SPAG16: variants seen among roughly 807,000 people sequenced by gnomAD.
The protein encoded by SPAG16 is sperm-associated antigen 16 protein.
Under a neutral mutation model 80.4 loss-of-function variants are expected in SPAG16, and 86 were observed. That is an observed-to-expected ratio of 1.07 (90% CI 0.90 to 1.28). The LOEUF (loss-of-function observed/expected upper bound fraction) is 1.28. Among genes scored for constraint, SPAG16 ranks in the 50% most tolerant of loss-of-function variants. The pLI is 0.00. For missense variants in SPAG16, 870 were observed against 765.3 expected, an observed-to-expected ratio of 1.14 and a Z score of -1.61; for synonymous variants, 294 against 265.9, an observed-to-expected ratio of 1.11 and a Z score of -1.03.
chr2:213,856,262 C>G (rs1041841493), intron 10 of SPAG16, among the ~76,000 whole-genome samples: 2 of 152,214 alleles, frequency 1.3e-5, no homozygotes, highest in Admixed American at 6.5e-5. Context: ...CACATTGATG[C>G]AAGAGGTGGA....
At chr2:213,349,330 C>T (rs1278126015) in intron 6 of SPAG16, among the ~76,000 whole-genome samples, 1 of 151,950 alleles carries the variant, frequency 6.6e-6, no homozygotes. Context: ...GAGCTGAAAT[C>T]AATAAAATAG....
chr2:213,765,774 G>A (rs992100813), intron 10 of SPAG16, among the ~76,000 whole-genome samples: 2 of 152,158 alleles, frequency 1.3e-5, no homozygotes, highest in African/African-American at 4.8e-5. Context: ...AGTACTAGGG[G>A]GGTTCTGTTT....
chr2:213,718,185 G>T (rs2066329714), intron 10 of SPAG16, among the ~76,000 whole-genome samples: 1 of 142,056 alleles, frequency 7.0e-6, no homozygotes, highest in African/African-American at 2.6e-5. Flanking sequence ...CCACCAAATA[G>T]TGGGCAAAGG....
At chr2:213,982,625 G>GTC (rs2045813322) in intron 12 of SPAG16, among the ~76,000 whole-genome samples, 8 of 151,368 alleles carry the variant, frequency 5.3e-5, no homozygotes, top group African/African-American at 1.9e-4. Context: ...GTGTGTGTGT[G>GTC]TGTGTGTGTG....
At chr2:213,452,825 CT>C (rs1284580508) in intron 9 of SPAG16, among the ~76,000 whole-genome samples, 6 of 152,218 alleles carry the variant, frequency 3.9e-5, no homozygotes, top group African/African-American at 1.4e-4. Flanking sequence ...AATCACCTGT[CT>C]TTGAAAGATG....
intron 9 of SPAG16, among the ~76,000 whole-genome samples, chr2:213,420,110 C>T (rs1458085199): frequency 2.0e-5 from 3 of 152,104 alleles, no homozygotes; most frequent in Non-Finnish European, 4.4e-5. Flanking sequence ...TATACTGTAT[C>T]TCAGTTGCAA....
intron 9 of SPAG16, among the ~76,000 whole-genome samples, chr2:213,439,575 A>G (rs939447632): frequency 2.6e-5 from 4 of 152,206 alleles, no homozygotes; most frequent in Admixed American, 2.6e-4. Flanking sequence ...ATACTGTTCA[A>G]GGTGTGGTCT....
intron 11 of SPAG16, among the ~76,000 whole-genome samples, chr2:213,923,049 G>A (rs1255448313): frequency 6.6e-6 from 1 of 152,138 alleles, no homozygotes; most frequent in Non-Finnish European, 1.5e-5. Flanking sequence ...GGAGGCAGGG[G>A]TGAGTGGAGT....
intron 10 of SPAG16, among the ~76,000 whole-genome samples, chr2:213,767,415 C>A (rs959517565): frequency 6.6e-6 from 1 of 151,962 alleles, no homozygotes; most frequent in African/African-American, 2.4e-5. Context: ...CACCTGTAAT[C>A]CTAGCACTTT....
intron 14 of SPAG16, among the ~76,000 whole-genome samples, chr2:214,113,677 C>A (rs747722531): frequency 6.6e-6 from 1 of 152,196 alleles, no homozygotes; most frequent in Non-Finnish European, 1.5e-5. Flanking sequence ...TCCATCAAGT[C>A]ATTTAAGGTA....
At chr2:213,970,492 A>C (rs2044980116) in intron 12 of SPAG16, among the ~76,000 whole-genome samples, 1 of 152,040 alleles carries the variant, frequency 6.6e-6, no homozygotes, top group East Asian at 1.9e-4. Flanking sequence ...TTGTAGAGAC[A>C]GGTTTCACCA....
intron 12 of SPAG16, among the ~76,000 whole-genome samples, chr2:213,961,457 C>A (rs1026044172): frequency 4.6e-5 from 7 of 151,978 alleles, no homozygotes; most frequent in Admixed American, 1.3e-4. Flanking sequence ...ATTAGATCGG[C>A]CATCTTTGTC....
chr2:214,177,921 A>ATATATATATG (rs2057159044), intron 15 of SPAG16, among the ~76,000 whole-genome samples: 1 of 133,272 alleles, frequency 7.5e-6, no homozygotes, highest in African/African-American at 2.8e-5. Flanking sequence ...ATATACATAT[A>ATATATATATG]TATATATATA....
At chr2:213,769,842 A>G (rs2069142870) in intron 10 of SPAG16, among the ~76,000 whole-genome samples, 1 of 152,196 alleles carries the variant, frequency 6.6e-6, no homozygotes. Context: ...TAACAAATTC[A>G]TATACCCATC....
At chr2:213,464,595 G>T (rs1017508811) in intron 9 of SPAG16, among the ~76,000 whole-genome samples, 1 of 152,206 alleles carries the variant, frequency 6.6e-6, no homozygotes, top group Non-Finnish European at 1.5e-5. Flanking sequence ...GGAGGTACTG[G>T]ATGCCCCTTA....
chr2:213,501,981 A>G (rs1437622708), intron 10 of SPAG16, among the ~76,000 whole-genome samples: 1 of 152,244 alleles, frequency 6.6e-6, no homozygotes, highest in East Asian at 1.9e-4. Flanking sequence ...TAGGCTATTA[A>G]CCAAAGTGGT....
At chr2:213,703,642 T>C (rs1438741021) in intron 10 of SPAG16, among the ~76,000 whole-genome samples, 1 of 152,138 alleles carries the variant, frequency 6.6e-6, no homozygotes. Flanking sequence ...AAAGACTCAT[T>C]GTCCATCTGT....
At chr2:214,289,328 G>A (rs935462115) in intron 15 of SPAG16, among the ~76,000 whole-genome samples, 19 of 152,134 alleles carry the variant, frequency 1.2e-4, no homozygotes, top group Non-Finnish European at 5.9e-5. Context: ...ATGTCTTGAA[G>A]TGTATTTTCT....
chr2:213,354,870 A>G (rs890307769), intron 7 of SPAG16, among the ~76,000 whole-genome samples: 2 of 152,164 alleles, frequency 1.3e-5, no homozygotes, highest in Non-Finnish European at 2.9e-5. Flanking sequence ...TAGTTTAGTT[A>G]GATCCCATTT....
Sources: allele counts gnomAD v4.1 joint callset (sites outside exome capture counted in the v4.1 genomes callset), GRCh38; gene constraint gnomAD v4.1.1; transcripts MANE v1.5; gene names NCBI Gene and HGNC (gene_info 2026-07-23, HGNC 2026-07-21).